Variants in DNAH9 observed in about 807,000 individuals in gnomAD.
DNAH9 encodes the protein DNAH9 variant protein.
DNAH9 carries 345 observed loss-of-function variants against 471.6 expected under a neutral mutation model. The ratio of observed to expected loss-of-function variants is 0.73; its 90% CI spans 0.67 to 0.80. DNAH9 has a LOEUF of 0.80. DNAH9 is among the 30% of genes least tolerant of loss of function. The pLI, the probability that DNAH9 is intolerant of heterozygous loss-of-function variation, is 0.00. For synonymous variants in DNAH9, 2,093 were observed against 2,123.6 expected (o/e 0.99, Z 0.40); for missense variants, 5,407 against 5,609.2 (o/e 0.96, Z 1.15).
chr17:11,930,765 C>CAAAAAAAAAAAAAA (rs11371438), intron 63 of DNAH9, among the ~76,000 whole-genome samples: 2 of 125,174 alleles, frequency 1.6e-5, no homozygotes, highest in Admixed American at 1.7e-4. Flanking sequence ...ACTCCATCTC[C>CAAAAAAAAAAAAAA]AAAAAAAAAA....
At chr17:11,697,052 G>A (rs1384672557) in intron 22 of DNAH9, among the ~76,000 whole-genome samples, 2 of 152,020 alleles carry the variant, frequency 1.3e-5, no homozygotes, top group South Asian at 2.1e-4. Flanking sequence ...AAAATTCTTT[G>A]TAGAGACGGG....
At chr17:11,960,864 G>A (rs4792210) in intron 67 of DNAH9, among the ~76,000 whole-genome samples, 35,894 of 152,096 alleles carry the variant, frequency 0.24, 5,092 homozygotes, top group Middle Eastern at 0.35. Context: ...CTACGGAGGT[G>A]AGAACATCTT....
At chr17:11,945,038 C>T (rs116722550) in intron 67 of DNAH9, among the ~76,000 whole-genome samples, 3,782 of 152,192 alleles carry the variant, frequency 0.025, 157 homozygotes, top group African/African-American at 0.085. Context: ...AGGAGGGGTT[C>T]GCAGAGTGGT....
At chr17:11,920,186 G>A (rs1974092270) in intron 61 of DNAH9, among the ~76,000 whole-genome samples, 2 of 151,914 alleles carry the variant, frequency 1.3e-5, no homozygotes, top group Admixed American at 6.5e-5. Flanking sequence ...ACAGGCATGT[G>A]TCACCATGCC....
At chr17:11,731,808 A>G (rs1484119656) in intron 28 of DNAH9, among the ~76,000 whole-genome samples, 3 of 152,106 alleles carry the variant, frequency 2.0e-5, no homozygotes, top group Admixed American at 2.0e-4. Context: ...ATTGTTGGAC[A>G]TTTGGGTTGG....
rs71142253 is a variant in DNAH9, at chr17:11,926,035, G to GAAAAAA, written c.11877+2116_11877+2121dup. On this transcript the variant is annotated intron_variant, in intron 62 of 68. Transcript: ENST00000262442. Reference sequence around the variant, plus strand: ...AGCCTGTAAACCTGAGAGATTCTCTGAAAAAAAAAAAAAAAAAAAAAAAAA... The same window carrying GAAAAAA: ...AGCCTGTAAACCTGAGAGATTCTCTGAAAAAAAAAAAAAAAAAAAAAAAAAAAAAAA... Among the ~76,000 whole-genome samples the GAAAAAA allele has an allele frequency of 5.2e-4, 31 of 59,918 alleles. 1 individual carries two copies. Among genetic ancestry groups the GAAAAAA allele is most frequent in the African/African-American group, 1.9e-3 (24 of 12,684 alleles). The allele number at this position is 59,918 out of a possible 152,430, so 39.3% of individuals were successfully genotyped here. A position where few individuals can be genotyped will look rare whatever the true frequency, so the allele number is the denominator to read the frequency against.
At chr17:11,781,196 G>A in intron 39 of DNAH9, 22 bp downstream of exon 39, 1 of 1,609,842 alleles carries the variant, frequency 6.2e-7, no homozygotes, top group African/African-American at 1.3e-5. Flanking sequence ...CATGTAGAGG[G>A]ACTGGCCCAA....
Position 11,961,975 on chromosome 17 carries a change from G to T in DNAH9, c.12952G>T (p.Ala4318Ser). 3 of 1,614,174 alleles carry T rather than the reference G, an allele frequency of 1.9e-6. No homozygotes were observed. Among genetic ancestry groups the T allele is most frequent in the Non-Finnish European group, 2.5e-6 (3 of 1,180,032 alleles). The change falls in exon 68 of 69, where the codon GCA becomes TCA. Residue 4318 changes from alanine to serine, a missense_variant. Transcript: ENST00000262442. The part of the protein sequence containing the change: ...RRAYPSTAGL[A>S]AWFPDLLNRI... ...AGCCTACCCTTCCACAGCAGGCCTG[G>T]CAGCCTGGTTTCCAGACCTCCTCAA...
intron 24 of DNAH9, among the ~76,000 whole-genome samples, chr17:11,702,294 T>C (rs556101753): frequency 6.6e-6 from 1 of 152,316 alleles, no homozygotes; most frequent in African/African-American, 2.4e-5. Context: ...GAATTCCTTA[T>C]AGGTTTCTCA....
chr17:11,793,300 GGTCT>G (rs1969126230), intron 41 of DNAH9, among the ~76,000 whole-genome samples, 199 bp from the exon 42 acceptor site: 1 of 152,140 alleles, frequency 6.6e-6, no homozygotes, highest in East Asian at 1.9e-4. Context: ...TTTGAGGTCA[GGTCT>G]GTCTAACTGC....
intron 1 of DNAH9, among the ~76,000 whole-genome samples, chr17:11,606,950 T>C (rs1309158634): frequency 6.6e-6 from 1 of 152,210 alleles, no homozygotes; most frequent in Non-Finnish European, 1.5e-5. Flanking sequence ...TAAGACACTT[T>C]GGCCTGACTC....
At chr17:11,930,736 G>A (rs191335560) in intron 63 of DNAH9, among the ~76,000 whole-genome samples, 263 of 136,714 alleles carry the variant, frequency 1.9e-3, no homozygotes, top group African/African-American at 7.3e-3. Context: ...CTGCACTCCA[G>A]CCTGGGCGAC....
intron 1 of DNAH9, 95 bp downstream of exon 1, chr17:11,599,010 C>A: frequency 1.0e-6 from 1 of 997,598 alleles, no homozygotes; most frequent in South Asian, 2.2e-5. Context: ...GGGGGCGGGG[C>A]GAAGCTGCAG....
chr17:11,602,291 A>C (rs1484627788), intron 1 of DNAH9, among the ~76,000 whole-genome samples: 2 of 151,536 alleles, frequency 1.3e-5, no homozygotes, highest in Non-Finnish European at 3.0e-5. Context: ...AACACCTGGA[A>C]TAGAGTGTCA....
Position 11,705,188 on chromosome 17 carries a change from G to T in DNAH9, c.5552+3G>T. The T allele has an allele frequency of 6.2e-7, 1 of 1,613,750 alleles. No individual in the cohort carries two copies. Among genetic ancestry groups the T allele is most frequent in the South Asian group, 1.1e-5 (1 of 91,046 alleles). The stretch of plus-strand genomic sequence containing the variant: ...GTGATCACACCTTTGACTGACAGGT[G>T]AGCACTGGTGTCAACCACTGACAGC... On this transcript the variant is annotated splice_donor_region_variant and intron_variant, in intron 26 of 68. Transcript: ENST00000262442.
At chr17:11,844,030 G>A (rs1023750962) in intron 49 of DNAH9, among the ~76,000 whole-genome samples, 10 of 116,392 alleles carry the variant, frequency 8.6e-5, no homozygotes, top group African/African-American at 3.0e-4. Context: ...TCCACAATAA[G>A]TATATACTCT....
Position 11,937,591 on chromosome 17 carries a change from CCTG to C in DNAH9, c.12660+73_12660+75del, listed in dbSNP as rs1434841777. 1.3e-4 allele frequency: 200 copies of C among 1,503,826 alleles called. 2 individuals carry two copies. In the East Asian group the frequency reaches 4.6e-3, roughly 34 times the overall value. 93.2% of individuals were successfully genotyped at this position (1,503,826 alleles called of 1,614,324 possible). A position where few individuals can be genotyped will look rare whatever the true frequency, so the allele number is the denominator to read the frequency against. On this transcript the variant is annotated intron_variant, in intron 66 of 68. Transcript: ENST00000262442. This position sits in a 1 kb window ranked among gnomAD's most constrained non-coding sequence, Gnocchi z 4.1. ...GAGGATCATAGATGCACACCTTTCT[CCTG>C]CTGGCCATTTTGGCAGTACACAGCA... is the stretch of plus-strand genomic sequence containing the variant.
chr17:11,636,172 A>G (rs2073162263), intron 8 of DNAH9, among the ~76,000 whole-genome samples: 1 of 151,870 alleles, frequency 6.6e-6, no homozygotes, highest in African/African-American at 2.4e-5. Context: ...CACCCAGCTA[A>G]TTTTTGTATT....
intron 49 of DNAH9, among the ~76,000 whole-genome samples, chr17:11,846,082 C>G (rs1324846664): frequency 6.6e-6 from 1 of 150,970 alleles, no homozygotes; most frequent in Non-Finnish European, 1.5e-5. Context: ...TTGCCCATGC[C>G]TATGTCCTGA....
Sources: gnomAD v4.1 joint callset for allele counts (sites outside exome capture counted in the v4.1 genomes callset) on GRCh38, gnomAD v4.1.1 for gene constraint, Gnocchi (gnomAD v3.1) non-coding constraint, MANE v1.5 for transcripts, NCBI Gene and HGNC (gene_info 2026-07-23, HGNC 2026-07-21) for gene names.